Variants in TUSC3 observed in about 807,000 individuals in gnomAD.
TUSC3 encodes the protein dolichyl-diphosphooligosaccharide--protein glycosyltransferase subunit TUSC3.
TUSC3 carries 45 observed loss-of-function variants against 44.8 expected under a neutral mutation model. That is an observed-to-expected ratio of 1.00 (90% CI 0.79 to 1.29). The LOEUF (loss-of-function observed/expected upper bound fraction) is 1.29. Among genes scored for constraint, TUSC3 ranks in the 50% most tolerant of loss-of-function variants. The pLI, the probability that TUSC3 is intolerant of heterozygous loss-of-function variation, is 0.00. For synonymous variants in TUSC3, 212 were observed against 152.9 expected (o/e 1.39, Z -2.85); for missense variants, 519 against 437.9 (o/e 1.19, Z -1.65).
chr8:15,745,772 G>A (rs973956288), intron 8 of TUSC3, among the ~76,000 whole-genome samples: 7 of 151,196 alleles, frequency 4.6e-5, no homozygotes, highest in African/African-American at 1.7e-4. Context: ...GTTGTTTTGC[G>A]GTGCAGAGGC....
chr8:15,701,416 G>T (rs1006695525), intron 6 of TUSC3, among the ~76,000 whole-genome samples: 1 of 152,074 alleles, frequency 6.6e-6, no homozygotes, highest in Non-Finnish European at 1.5e-5. Context: ...AAAATACTGT[G>T]TATGTGTGTA....
chr8:15,455,358 T>TA (rs1202665305), intron 1 of TUSC3, among the ~76,000 whole-genome samples: 4 of 152,136 alleles, frequency 2.6e-5, no homozygotes, highest in Non-Finnish European at 4.4e-5. Context: ...GGTTTTCTGG[T>TA]GCTCCATCAT....
At chr8:15,533,732 G>A (rs1801481525) in intron 2 of TUSC3, among the ~76,000 whole-genome samples, 1 of 152,204 alleles carries the variant, frequency 6.6e-6, no homozygotes. Context: ...CAGGCTAAGA[G>A]TATTTAAGGT....
chr8:15,850,841 G>C, the TUSC3 span, among the ~76,000 whole-genome samples: 2 of 152,176 alleles, frequency 1.3e-5, no homozygotes, highest in Admixed American at 1.3e-4. Flanking sequence ...TTTGGAAGCA[G>C]ATCACTTTCA....
intron 1 of TUSC3, among the ~76,000 whole-genome samples, chr8:15,583,229 T>G (rs1325968663): frequency 4.6e-5 from 7 of 152,218 alleles, no homozygotes; most frequent in African/African-American, 1.2e-4. Context: ...TAAAGCCATG[T>G]AAGACATTAA....
the TUSC3 span, among the ~76,000 whole-genome samples, chr8:15,793,678 G>A: frequency 6.6e-6 from 1 of 152,174 alleles, no homozygotes; most frequent in Non-Finnish European, 1.5e-5. Flanking sequence ...TAGAATATAA[G>A]TTCCATGAGG....
upstream of TUSC3, chr8:15,540,079 A>G (rs1201201684): frequency 1.2e-5 from 3 of 258,178 alleles, no homozygotes; most frequent in Non-Finnish European, 1.5e-5. Flanking sequence ...CAGTAGCAGG[A>G]TGGCCTCAGA....
chr8:15,481,789 T>G (rs1800664905), intron 1 of TUSC3, among the ~76,000 whole-genome samples: 1 of 152,218 alleles, frequency 6.6e-6, no homozygotes, highest in Non-Finnish European at 1.5e-5. Context: ...ATAATCTTTT[T>G]GCCGGCGGAG....
chr8:15,630,418 A>G (rs1224235732), intron 2 of TUSC3, among the ~76,000 whole-genome samples: 2 of 152,092 alleles, frequency 1.3e-5, no homozygotes, highest in Non-Finnish European at 2.9e-5. Context: ...TGTGTAAACT[A>G]TTGGGGACGC....
At chr8:15,746,162 T>G (rs1228556876) in intron 8 of TUSC3, among the ~76,000 whole-genome samples, 1 of 152,102 alleles carries the variant, frequency 6.6e-6, no homozygotes, top group Non-Finnish European at 1.5e-5. Flanking sequence ...GTATATCCTG[T>G]CTTAAGGTAA....
chr8:15,782,701 A>G, the TUSC3 span, among the ~76,000 whole-genome samples: 3 of 152,152 alleles, frequency 2.0e-5, no homozygotes, highest in Non-Finnish European at 2.9e-5. Context: ...TCATGATAAA[A>G]ACTCTCATCA....
At chr8:15,676,697 T>C (rs1277028595) in intron 6 of TUSC3, among the ~76,000 whole-genome samples, 1 of 152,144 alleles carries the variant, frequency 6.6e-6, no homozygotes, top group South Asian at 2.1e-4. Context: ...GGAATGCTGC[T>C]AAACACCTAA....
At chr8:15,643,664 A>G (rs924396296) in intron 2 of TUSC3, among the ~76,000 whole-genome samples, 1 of 152,162 alleles carries the variant, frequency 6.6e-6, no homozygotes, top group African/African-American at 2.4e-5. Context: ...TATTCAGTCA[A>G]TTACAATATG....
rs574829258 is a variant in TUSC3 at position 15,592,536 on chromosome 8, C to G, written c.139-30544C>G. Among the ~76,000 whole-genome samples the G allele has an allele frequency of 7.9e-5, 12 of 152,168 alleles. No homozygotes were observed. In the South Asian group the frequency reaches 2.1e-3, roughly 26 times the overall value. On this transcript the variant is annotated intron_variant, in intron 1 of 10. Coordinates refer to ENST00000503731, the MANE Select transcript of TUSC3 (RefSeq NM_006765.4). ...GCTGGTTGTTTAAAGGAGCCTGCCA[C>G]CTCCTCCTAACTCTCTTTTGCTCGC...
At chr8:15,807,187 G>A in the TUSC3 span, 8 of 767,536 alleles carry the variant, frequency 1.0e-5, no homozygotes, top group Non-Finnish European at 1.4e-5. Context: ...ATTTCAATAC[G>A]TCAACCTTGC....
chr8:15,710,829 AAT>A (rs887510110), intron 6 of TUSC3, among the ~76,000 whole-genome samples: 4 of 147,554 alleles, frequency 2.7e-5, no homozygotes, highest in South Asian at 4.2e-4. Context: ...TGAATTTATA[AAT>A]ATATATATAT....
intron 1 of TUSC3, among the ~76,000 whole-genome samples, chr8:15,468,180 T>C (rs1800439267): frequency 6.6e-6 from 1 of 152,094 alleles, no homozygotes; most frequent in Admixed American, 6.6e-5. Flanking sequence ...GAAACGGAAT[T>C]TCGTTTGGTT....
chr8:15,614,094 A>G (rs1804884666), intron 1 of TUSC3, among the ~76,000 whole-genome samples: 1 of 151,864 alleles, frequency 6.6e-6, no homozygotes, highest in Non-Finnish European at 1.5e-5. Flanking sequence ...TTTCTCCCCT[A>G]AAGACTTGAG....
At chr8:15,786,887 T>G in the TUSC3 span, among the ~76,000 whole-genome samples, 1 of 134,374 alleles carries the variant, frequency 7.4e-6, no homozygotes, top group Non-Finnish European at 1.5e-5. Flanking sequence ...GAGGTTGCAG[T>G]GAGCCGAGAT....
Sources: allele counts gnomAD v4.1 joint callset (sites outside exome capture counted in the v4.1 genomes callset), GRCh38; gene constraint gnomAD v4.1.1; transcripts MANE v1.5; gene names NCBI Gene and HGNC (gene_info 2026-07-23, HGNC 2026-07-21).